The following ZNF674 variants were observed in gnomAD, a reference collection of about 807,000 sequenced individuals.
ZNF674 encodes the protein zinc finger protein 674, also known as zinc finger family member 674.
ZNF674 carries 2 observed loss-of-function variants against 7.0 expected under a neutral mutation model. That is an observed-to-expected ratio of 0.29 (90% confidence interval 0.12 to 0.90). The LOEUF is 0.90. Among genes scored for constraint, ZNF674 ranks in the 40% least tolerant of loss-of-function variants. The pLI is 0.57. For missense variants in ZNF674, 297 were observed against 415.5 expected, an observed-to-expected ratio of 0.71 and a Z score of 2.48; for synonymous variants, 103 against 145.2, an observed-to-expected ratio of 0.71 and a Z score of 2.09.
chrX:46,529,052 G>T (rs1008703480), intron 3 of ZNF674, 143 bp from the exon 4 acceptor site: 2 of 1,043,073 alleles, frequency 1.9e-6, no homozygotes, highest in African/African-American at 3.7e-5. Context: ...CGCCACCCTA[G>T]AAGGAACTTG....
At chrX:46,542,861 A>G (rs994943924) in intron 2 of ZNF674, among the ~76,000 whole-genome samples, 3 of 112,518 alleles carry the variant, frequency 2.7e-5, no homozygotes, top group Non-Finnish European at 5.6e-5. Flanking sequence ...CTGGGTGTTT[A>G]AAGGGAGGTT....
intron 3 of ZNF674, among the ~76,000 whole-genome samples, chrX:46,539,794 T>C (rs1002806006): frequency 4.5e-5 from 5 of 111,707 alleles, no homozygotes; most frequent in Non-Finnish European, 9.4e-5. Flanking sequence ...ATAATGACAA[T>C]AGTGCCGCAG....
At chrX:46,503,568 A>G (rs1941472475) in intron 5 of ZNF674, among the ~76,000 whole-genome samples, 1 of 112,219 alleles carries the variant, frequency 8.9e-6, no homozygotes, top group Admixed American at 9.5e-5. Context: ...TGCATTTTAA[A>G]AAAATCAGCT....
intron 5 of ZNF674, among the ~76,000 whole-genome samples, chrX:46,504,004 A>G (rs1372309792): frequency 4.6e-5 from 5 of 109,679 alleles, no homozygotes; most frequent in Admixed American, 9.8e-5. Context: ...ACAACACTAC[A>G]CTCTAGCCTG....
chrX:46,518,314 G>A (rs768730047), intron 5 of ZNF674, among the ~76,000 whole-genome samples: 53 of 111,863 alleles, frequency 4.7e-4, no homozygotes, highest in East Asian at 2.2e-3. Context: ...TAATATGTTC[G>A]AAAACTGTAA....
At chrX:46,524,011 C>T (rs1381278015) in intron 5 of ZNF674, among the ~76,000 whole-genome samples, 2 of 105,836 alleles carry the variant, frequency 1.9e-5, no homozygotes, top group Non-Finnish European at 3.9e-5. Flanking sequence ...CATTGCACTC[C>T]AGCCTGGGCG....
intron 3 of ZNF674, among the ~76,000 whole-genome samples, chrX:46,537,532 A>G (rs1223020860): frequency 8.9e-6 from 1 of 111,843 alleles, no homozygotes; most frequent in Non-Finnish European, 1.9e-5. Flanking sequence ...AACTGGAAAA[A>G]GTAAATATCC....
intron 5 of ZNF674, among the ~76,000 whole-genome samples, chrX:46,504,065 C>T (rs777615934): frequency 9.0e-6 from 1 of 111,034 alleles, no homozygotes; most frequent in Non-Finnish European, 1.9e-5. Context: ...CATGTGCACA[C>T]ATGCACACAT....
intron 3 of ZNF674, among the ~76,000 whole-genome samples, chrX:46,540,116 C>T (rs925020219): frequency 3.6e-5 from 4 of 110,954 alleles, no homozygotes; most frequent in African/African-American, 1.3e-4. Context: ...TGGTTGCAGG[C>T]GCCTGTAGTC....
intron 5 of ZNF674, among the ~76,000 whole-genome samples, chrX:46,516,967 G>A (rs1284792147): frequency 9.2e-6 from 1 of 108,399 alleles, no homozygotes. Context: ...TTGTGCCACT[G>A]CACTCCAGCC....
intron 3 of ZNF674, among the ~76,000 whole-genome samples, chrX:46,530,014 G>A (rs1942082315): frequency 8.9e-6 from 1 of 112,128 alleles, no homozygotes; most frequent in Non-Finnish European, 1.9e-5. Flanking sequence ...AAGCAAAAGG[G>A]GAAAGGTCTG....
chrX:46,509,967 C>G (rs369272638), intron 5 of ZNF674, among the ~76,000 whole-genome samples: 2 of 110,282 alleles, frequency 1.8e-5, no homozygotes, highest in Non-Finnish European at 3.8e-5. Flanking sequence ...CCATAAAAAA[C>G]GATGAGTTCA....
chrX:46,501,287 T>C lies in ZNF674; in HGVS notation c.287A>G (p.Asp96Gly), dbSNP rs369750639. Reference protein sequence around the residue: ...EQIDHYKESQDKFLWQAAFIG... With the variant: ...EQIDHYKESQGKFLWQAAFIG... Reference sequence around the variant, plus strand: ...GAATGCAGCTTGCCACAGAAATTTGTCTTGGCTTTCCTTGTAGTGATCTAT... The same window carrying C: ...GAATGCAGCTTGCCACAGAAATTTGCCTTGGCTTTCCTTGTAGTGATCTAT... Residue 96 changes from aspartate to glycine, a missense_variant, in exon 6 of 6, where the codon GAC becomes GGC. By Grantham distance (94) the Asp-to-Gly change is moderately conservative. Coordinates refer to ENST00000683375, the MANE Select transcript of ZNF674 (RefSeq NM_001190417.2). The C allele has an allele frequency of 3.1e-5, 38 of 1,209,719 alleles. No individual in the cohort carries two copies. The highest frequency in any genetic ancestry group is 4.1e-5 in the Non-Finnish European group (37 of 895,113).
intron 5 of ZNF674, among the ~76,000 whole-genome samples, chrX:46,505,805 A>G (rs898809266): frequency 5.5e-5 from 5 of 91,458 alleles, no homozygotes; most frequent in African/African-American, 1.9e-4. Context: ...CGAAAAAAAA[A>G]ACTAGTAAAC....
intron 3 of ZNF674, among the ~76,000 whole-genome samples, chrX:46,532,605 T>A (rs1226805315): frequency 9.0e-6 from 1 of 111,310 alleles, no homozygotes; most frequent in East Asian, 2.8e-4. Context: ...ATTGTAAGAG[T>A]GAGAAAATTA....
At chrX:46,519,248 A>G (rs1941839639) in intron 5 of ZNF674, among the ~76,000 whole-genome samples, 1 of 74,028 alleles carries the variant, frequency 1.4e-5, no homozygotes, top group Admixed American at 1.6e-4. Flanking sequence ...ATAGATAGAT[A>G]GATAGATAGA....
chrX:46,519,534 G>C (rs1040730034), intron 5 of ZNF674, among the ~76,000 whole-genome samples: 1 of 107,730 alleles, frequency 9.3e-6, no homozygotes, highest in African/African-American at 3.4e-5. Flanking sequence ...CTTGAACCAG[G>C]ATGGTGGAGC....
At chrX:46,531,827 T>C (rs747146392) in intron 3 of ZNF674, among the ~76,000 whole-genome samples, 35 of 109,846 alleles carry the variant, frequency 3.2e-4, no homozygotes, top group Admixed American at 7.8e-4. Flanking sequence ...ACTTAAAGTA[T>C]AATAAAAAAT....
intron 4 of ZNF674, 140 bp from the exon 5 acceptor site, chrX:46,528,585 T>G (rs1338934839): frequency 1.0e-6 from 1 of 952,542 alleles, no homozygotes; most frequent in African/African-American, 1.9e-5. Flanking sequence ...GTACAGAACA[T>G]TCACATAGCA....
Sources: gnomAD v4.1 joint callset for allele counts (sites outside exome capture counted in the v4.1 genomes callset) on GRCh38, gnomAD v4.1.1 for gene constraint, MANE v1.5 for transcripts, NCBI Gene and HGNC (gene_info 2026-07-23, HGNC 2026-07-21) for gene names.